MAF: variants seen among roughly 807,000 people sequenced by gnomAD.
MAF encodes the protein MAF bZIP transcription factor.
In MAF, 10 loss-of-function variants were observed where a neutral mutation model predicts 22.0. That is an observed-to-expected ratio of 0.45 (90% CI 0.28 to 0.77). MAF has a LOEUF of 0.77. Ranked by LOEUF, MAF falls within the 30% of genes least tolerant of loss-of-function variation. The pLI, the probability that MAF is intolerant of heterozygous loss-of-function variation, is 0.12. For missense variants in MAF, 544 were observed against 548.4 expected (o/e 0.99, Z 0.08); for synonymous variants, 337 against 255.8 (o/e 1.32, Z -3.03).
At chr16:79,566,782 C>T in the MAF span, among the ~76,000 whole-genome samples, 1 of 152,216 alleles carries the variant, frequency 6.6e-6, no homozygotes, top group East Asian at 1.9e-4. Flanking sequence ...TTCCACACTT[C>T]ATGGAAATGG....
At chr16:79,507,658 C>G in the MAF span, among the ~76,000 whole-genome samples, 2 of 150,608 alleles carry the variant, frequency 1.3e-5, no homozygotes, top group Admixed American at 1.3e-4. Context: ...ATCTCCTGAC[C>G]TCGTGATCCA....
At chr16:79,350,653 C>A in the MAF span, among the ~76,000 whole-genome samples, 1 of 152,134 alleles carries the variant, frequency 6.6e-6, no homozygotes, top group Non-Finnish European at 1.5e-5. Context: ...GGAGAGGGTT[C>A]CCAGGACCCA....
chr16:79,541,880 A>T, the MAF span, among the ~76,000 whole-genome samples: 2 of 151,584 alleles, frequency 1.3e-5, no homozygotes, highest in Non-Finnish European at 2.9e-5. Context: ...GGCCTTGAAC[A>T]CCTCACCTCA....
At chr16:79,421,660 A>C in the MAF span, among the ~76,000 whole-genome samples, 1 of 140,340 alleles carries the variant, frequency 7.1e-6, no homozygotes, top group African/African-American at 3.0e-5. Flanking sequence ...TTTTTGAGAC[A>C]GGTTCTTGCT....
the MAF span, among the ~76,000 whole-genome samples, chr16:79,485,779 A>C: frequency 6.6e-6 from 1 of 152,238 alleles, no homozygotes; most frequent in African/African-American, 2.4e-5. Flanking sequence ...AACTAAAAGC[A>C]GCACACAGAC....
the MAF span, among the ~76,000 whole-genome samples, chr16:79,216,247 A>T: frequency 6.6e-6 from 1 of 152,232 alleles, no homozygotes; most frequent in East Asian, 1.9e-4. Flanking sequence ...GTATATGTAC[A>T]TGTATGCATG....
At chr16:79,422,343 C>G in the MAF span, among the ~76,000 whole-genome samples, 1 of 152,132 alleles carries the variant, frequency 6.6e-6, no homozygotes, top group Non-Finnish European at 1.5e-5. Context: ...CAGAGGTTTT[C>G]TTCTGTTTTT....
the MAF span, among the ~76,000 whole-genome samples, chr16:79,444,507 G>C: frequency 6.6e-6 from 1 of 152,158 alleles, no homozygotes; most frequent in African/African-American, 2.4e-5. Context: ...AAAAGGGCAT[G>C]TGGGAGGAAT....
chr16:79,392,334 GGA>G, the MAF span, among the ~76,000 whole-genome samples: 1 of 147,994 alleles, frequency 6.8e-6, no homozygotes, highest in African/African-American at 2.5e-5. Flanking sequence ...GGAGGGGAGA[GGA>G]GAGAGAAGGA....
the MAF span, among the ~76,000 whole-genome samples, chr16:79,363,906 G>A: frequency 1.3e-5 from 2 of 152,166 alleles, no homozygotes; most frequent in Admixed American, 6.5e-5. Context: ...TTCAGTGTAA[G>A]GGTAGTTGAG....
the MAF span, among the ~76,000 whole-genome samples, chr16:79,479,927 T>C: frequency 1.3e-5 from 2 of 152,094 alleles, no homozygotes; most frequent in Non-Finnish European, 2.9e-5. Context: ...GTGTCCACAG[T>C]CCTACACTAC....
chr16:79,402,068 T>C, the MAF span, among the ~76,000 whole-genome samples: 1 of 152,148 alleles, frequency 6.6e-6, no homozygotes, highest in Non-Finnish European at 1.5e-5. Context: ...ATCAGAAGAA[T>C]GGGAGGTTCA....
At chr16:79,534,531 C>T in the MAF span, among the ~76,000 whole-genome samples, 1 of 151,694 alleles carries the variant, frequency 6.6e-6, no homozygotes, top group Non-Finnish European at 1.5e-5. Context: ...CAGAATACTG[C>T]CAGTACCACC....
chr16:79,371,861 T>G, the MAF span, among the ~76,000 whole-genome samples: 3 of 152,232 alleles, frequency 2.0e-5, no homozygotes, highest in Admixed American at 2.0e-4. Context: ...CATCCTGATC[T>G]TGGGCAGAGA....
At chr16:79,425,531 C>G in the MAF span, among the ~76,000 whole-genome samples, 1 of 152,174 alleles carries the variant, frequency 6.6e-6, no homozygotes, top group Admixed American at 6.5e-5. Flanking sequence ...TTTCTTTTCT[C>G]ACTCGAGTTT....
At chr16:79,437,931 G>C in the MAF span, among the ~76,000 whole-genome samples, 2 of 152,268 alleles carry the variant, frequency 1.3e-5, no homozygotes, top group East Asian at 3.9e-4. Flanking sequence ...CCTCTGCAGG[G>C]GCTGCTGGCC....
chr16:79,358,611 C>A, the MAF span, among the ~76,000 whole-genome samples: 2 of 152,274 alleles, frequency 1.3e-5, no homozygotes, highest in East Asian at 3.9e-4. Context: ...GTGAACAAGT[C>A]ACTTTACTTT....
chr16:79,550,824 T>C, the MAF span, among the ~76,000 whole-genome samples: 1 of 152,146 alleles, frequency 6.6e-6, no homozygotes, highest in Non-Finnish European at 1.5e-5. Context: ...AACCAGGTTA[T>C]TGTAAAGGGA....
chr16:79,383,170 G>A, the MAF span, among the ~76,000 whole-genome samples: 1 of 151,688 alleles, frequency 6.6e-6, no homozygotes, highest in Non-Finnish European at 1.5e-5. Flanking sequence ...GAACCAGAAA[G>A]AAATGCTCAG....
Sources: gnomAD v4.1 joint callset for allele counts (sites outside exome capture counted in the v4.1 genomes callset) on GRCh38, gnomAD v4.1.1 for gene constraint, MANE v1.5 for transcripts, NCBI Gene and HGNC (gene_info 2026-07-23, HGNC 2026-07-21) for gene names.